Variants in RCN3 observed in about 807,000 individuals in gnomAD.
The protein encoded by RCN3 is reticulocalbin-3.
Under a neutral mutation model 35.9 loss-of-function variants are expected in RCN3, and 41 were observed. The observed-to-expected ratio is 1.14, with a 90% confidence interval of 0.89 to 1.48. The LOEUF is 1.48. Among genes scored for constraint, RCN3 ranks in the 40% most tolerant of loss-of-function variants. The pLI is 0.00. For missense variants in RCN3, 451 were observed against 471.3 expected, an observed-to-expected ratio of 0.96 and a Z score of 0.40; for synonymous variants, 187 against 193.4, an observed-to-expected ratio of 0.97 and a Z score of 0.27.
At chr19:49,542,432 A>G (rs2080166983) in intron 5 of RCN3, 121 bp from the exon 6 acceptor site, 2 of 637,024 alleles carry the variant, frequency 3.1e-6, no homozygotes, top group Non-Finnish European at 2.7e-6. Context: ...CTGAGGCGAG[A>G]GAGAGGGTAG....
At chr19:49,542,780 G>A (rs764990103) in intron 6 of RCN3, 28 bp downstream of exon 6, 58 of 1,551,034 alleles carry the variant, frequency 3.7e-5, no homozygotes, top group Admixed American at 2.8e-4. Flanking sequence ...CGGCAGGAGC[G>A]AGGAGCGGGT....
intron 6 of RCN3, 135 bp downstream of exon 6, chr19:49,542,887 A>G: frequency 1.1e-6 from 1 of 871,666 alleles, no homozygotes; most frequent in Non-Finnish European, 1.7e-6. Context: ...AGAGAGAGGG[A>G]GGAAAAGAGA....
chr19:49,534,782 C>T (rs2080126605), intron 3 of RCN3, among the ~76,000 whole-genome samples: 1 of 152,058 alleles, frequency 6.6e-6, no homozygotes. Context: ...GACTCACCAC[C>T]TCTGTGACAA....
Position 49,537,224 on chromosome 19 carries a change from A to G in RCN3, c.618+19A>G, listed in dbSNP as rs952704771. 7 of 1,483,094 alleles carry G rather than the reference A, an allele frequency of 4.7e-6. No homozygotes were observed. In the African/African-American group the frequency reaches 7.2e-5, roughly 15 times the overall value. The allele number at this position is 1,483,094 out of a possible 1,614,324, so 91.9% of individuals were successfully genotyped here. ...GATTGCTGTGAGTGGCGGCTGGGGA[A>G]CCCTGTCCCCCACACCCTTCCGGGG... On this transcript the variant is annotated intron_variant, in intron 4 of 6. Transcript: ENST00000270645.
At chr19:49,539,631 C>A (rs568523226) in intron 5 of RCN3, among the ~76,000 whole-genome samples, 2 of 152,044 alleles carry the variant, frequency 1.3e-5, no homozygotes, top group Admixed American at 1.3e-4. Context: ...CACAATACCC[C>A]CTGAGTTCTG....
chr19:49,529,096 G>C (rs1280603573), intron 2 of RCN3, among the ~76,000 whole-genome samples: 1 of 152,112 alleles, frequency 6.6e-6, no homozygotes, highest in Admixed American at 6.6e-5. Flanking sequence ...CAGGAGAATC[G>C]CTTGAACCTG....
chr19:49,537,743 C>T (rs1456324610), intron 4 of RCN3, among the ~76,000 whole-genome samples: 1 of 152,068 alleles, frequency 6.6e-6, no homozygotes, highest in Non-Finnish European at 1.5e-5. Context: ...AGGTGATCCG[C>T]CCGCCTCAGC....
chr19:49,529,693 T>G (rs1857151917), intron 2 of RCN3, among the ~76,000 whole-genome samples: 1 of 151,442 alleles, frequency 6.6e-6, no homozygotes. Context: ...AGCAAGAGAG[T>G]CAGAAAGTGT....
chr19:49,542,301 G>T lies in RCN3; in HGVS notation c.680-252G>T, dbSNP rs185043087. ...TTGCCCATTGCACACACTACTTCACGTGTGTGTCAATGAAATCAATCAATC... is the reference window on the plus strand; with the variant it reads ...TTGCCCATTGCACACACTACTTCACTTGTGTGTCAATGAAATCAATCAATC... On this transcript the variant is annotated intron_variant, in intron 5 of 6. Transcript: ENST00000270645. 4.2e-4 allele frequency among the ~76,000 whole-genome samples: 64 copies of T among 152,320 alleles called. 1 individual carries two copies. The highest frequency in any genetic ancestry group is 1.5e-3 in the African/African-American group (62 of 41,576).
chr19:49,538,272 T>C (rs1190457392), intron 4 of RCN3, among the ~76,000 whole-genome samples: 2 of 151,114 alleles, frequency 1.3e-5, no homozygotes, highest in Admixed American at 6.6e-5. Context: ...ACTCCATTCT[T>C]CTGCCTCAGC....
At chr19:49,528,877 T>C (rs1440378897) in intron 2 of RCN3, among the ~76,000 whole-genome samples, 163 bp downstream of exon 2, 1 of 152,076 alleles carries the variant, frequency 6.6e-6, no homozygotes, top group Non-Finnish European at 1.5e-5. Flanking sequence ...AAGTTAAAAT[T>C]GAGGCCTAAA....
chr19:49,529,380 G>T (rs1353312679), intron 2 of RCN3, among the ~76,000 whole-genome samples: 3 of 152,180 alleles, frequency 2.0e-5, no homozygotes, highest in Non-Finnish European at 4.4e-5. Context: ...CAGGAGAGTG[G>T]CAGAGCCCTG....
In RCN3 at chr19:49,542,690, C is replaced by A; in HGVS notation, c.817C>A (p.Pro273Thr). 6.3e-7 allele frequency: 1 copy of A among 1,597,360 alleles called. No homozygotes were observed. Among genetic ancestry groups the A allele is most frequent in the East Asian group, 2.3e-5 (1 of 44,278 alleles). The change falls in exon 6 of 7, where the codon CCT becomes ACT. Residue 273 changes from proline to threonine, a missense_variant. Coordinates refer to ENST00000270645, the MANE Select transcript of RCN3 (RefSeq NM_020650.3). ...GSEVGHWVLPPAQDQPLVEAN... is the reference protein window; with the variant it reads ...GSEVGHWVLPTAQDQPLVEAN... ...TGAGGTGGGCCACTGGGTGCTGCCC[C>A]CTGCCCAGGACCAGCCCCTGGTGGA...
rs1339842814 is a variant in RCN3, at chr19:49,537,179, C to T, written c.592C>T (p.Pro198Ser). Residue 198 changes from proline to serine, a missense_variant, in exon 4 of 7, where the codon CCT becomes TCT. By Grantham distance (74) the Pro-to-Ser change is moderately conservative. Coordinates refer to ENST00000270645, the MANE Select transcript of RCN3 (RefSeq NM_020650.3). ...AGCCTTCCTGCACCCCGAGGAGTTC[C>T]CTCACATGCGGGACATCGTGATTGC... ...LTAFLHPEEF[P>S]HMRDIVIAET... is the part of the protein sequence containing the mutation. The T allele has an allele frequency of 1.9e-6, 3 of 1,558,534 alleles. No individual in the cohort carries two copies. Among genetic ancestry groups the T allele is most frequent in the African/African-American group, 1.4e-5 (1 of 72,148 alleles).
At chr19:49,534,518 A>G in intron 3 of RCN3, 123 bp downstream of exon 3, 1 of 919,080 alleles carries the variant, frequency 1.1e-6, no homozygotes, top group Non-Finnish European at 1.6e-6. Flanking sequence ...GGCTCTACCC[A>G]CTTTTAGGAG....
intron 2 of RCN3, among the ~76,000 whole-genome samples, chr19:49,533,210 T>C (rs1379846438): frequency 6.6e-6 from 1 of 152,172 alleles, no homozygotes; most frequent in African/African-American, 2.4e-5. Context: ...AAGGGTGTGA[T>C]TCCGGGGACA....
At chr19:49,534,079 C>T (rs1042795136) in intron 2 of RCN3, 114 bp from the exon 3 acceptor site, 18 of 1,091,460 alleles carry the variant, frequency 1.6e-5, no homozygotes, top group Admixed American at 3.5e-5. Context: ...GCCCGCGGAC[C>T]GTGGACTGTA....
chr19:49,537,226 C>A (rs750131184), intron 4 of RCN3, 21 bp downstream of exon 4: 19 of 1,482,964 alleles, frequency 1.3e-5, no homozygotes, highest in Non-Finnish European at 1.5e-5. Flanking sequence ...GCTGGGGAAC[C>A]CTGTCCCCCA....
At chr19:49,536,288 C>CTTTTTT (rs968434638) in intron 3 of RCN3, among the ~76,000 whole-genome samples, 6 of 70,828 alleles carry the variant, frequency 8.5e-5, no homozygotes, top group African/African-American at 1.8e-4. Context: ...ACCCGGCCTA[C>CTTTTTT]TTTTTTTTTT....
Sources: gnomAD v4.1 joint callset for allele counts (sites outside exome capture counted in the v4.1 genomes callset) on GRCh38, gnomAD v4.1.1 for gene constraint, MANE v1.5 for transcripts, NCBI Gene and HGNC (gene_info 2026-07-23, HGNC 2026-07-21) for gene names.